SIK3: variants seen among roughly 807,000 people sequenced by gnomAD.
SIK3 encodes the protein serine/threonine-protein kinase SIK3.
In SIK3, 28 loss-of-function variants were observed where a neutral mutation model predicts 144.2. That is an observed-to-expected ratio of 0.19 (90% CI 0.14 to 0.27). SIK3 has a LOEUF of 0.27. Ranked by LOEUF, SIK3 falls within the 10% of genes least tolerant of loss-of-function variation. The probability of loss-of-function intolerance (pLI) is 1.00; values close to 1 mark genes in which losing one functional copy is unlikely to be tolerated. For synonymous variants in SIK3, 686 were observed against 676.3 expected, an observed-to-expected ratio of 1.01 and a Z score of -0.22; for missense variants, 1,319 against 1,776.0, an observed-to-expected ratio of 0.74 and a Z score of 4.62.
Position 116,938,460 on chromosome 11 carries a change from GGAGGAGAGGA to G in SIK3, c.455-11090_455-11081del, listed in dbSNP as rs773772413. On this transcript the variant is annotated intron_variant, in intron 3 of 24. Transcript: ENST00000445177. ...GGACGGGACGGGAGGGGAGGGGAGG[GGAGGAGAGGA>G]GAGGAGAGGAGAGGAGAAGAGAAGG... 5.4e-3 allele frequency among the ~76,000 whole-genome samples: 33 copies of G among 6,060 alleles called. 1 individual carries two copies. The highest frequency in any genetic ancestry group is 9.0e-3 in the Non-Finnish European group (27 of 2,990). The allele number at this position is 6,060 out of a possible 152,430, so 4.0% of individuals were successfully genotyped here.
chr11:116,975,455 A>G (rs932926563), intron 1 of SIK3, among the ~76,000 whole-genome samples: 3 of 150,794 alleles, frequency 2.0e-5, no homozygotes, highest in South Asian at 4.1e-4. Flanking sequence ...CAATGAGATC[A>G]TACAATATCT....
In SIK3 at chr11:116,968,231, C is replaced by T. The variant is rs1949632378; in HGVS notation, c.274-11167G>A. On this transcript the variant is annotated intron_variant, in intron 1 of 24. Transcript: ENST00000445177. ...CATCTCGGCTCACTGCAACCTCCAC[C>T]TCCTGGGTTCGGGCAATTCTCCTGC... Among the ~76,000 whole-genome samples the T allele has an allele frequency of 2.6e-5, 4 of 152,298 alleles. No individual in the cohort carries two copies. The Middle Eastern group carries it at 0.01, about 389-fold the overall frequency.
chr11:116,890,350 G>C (rs939834806), intron 6 of SIK3, among the ~76,000 whole-genome samples: 21 of 152,342 alleles, frequency 1.4e-4, no homozygotes, highest in Admixed American at 9.8e-4. Flanking sequence ...GAGGTGAACA[G>C]TAACAGGAAA....
At chr11:117,061,872 ATAGT>A (rs1486561813) in intron 1 of SIK3, among the ~76,000 whole-genome samples, 4 of 152,254 alleles carry the variant, frequency 2.6e-5, no homozygotes, top group African/African-American at 9.6e-5. Flanking sequence ...ATCAATTATA[ATAGT>A]TAATGAAATT....
chr11:117,024,952 T>C (rs1033250119), intron 1 of SIK3, among the ~76,000 whole-genome samples: 2 of 151,388 alleles, frequency 1.3e-5, no homozygotes, highest in Non-Finnish European at 2.9e-5. Context: ...TAAGTAGCTA[T>C]GGAATTCTAC....
intron 1 of SIK3, among the ~76,000 whole-genome samples, chr11:116,967,370 TCCCCTA>T (rs1949597566): frequency 6.6e-6 from 1 of 152,200 alleles, no homozygotes; most frequent in South Asian, 2.1e-4. Context: ...TTCTTAAACT[TCCCCTA>T]TGGAGATTTA....
intron 3 of SIK3, among the ~76,000 whole-genome samples, chr11:116,945,460 A>G (rs1948546115): frequency 7.2e-6 from 1 of 138,642 alleles, no homozygotes; most frequent in Non-Finnish European, 1.5e-5. Flanking sequence ...CCTGGGCTCC[A>G]GTGATCTGCC....
Position 116,870,371 on chromosome 11 carries a change from C to T in SIK3, c.1768G>A (p.Glu590Lys). The change falls in exon 14 of 25, where the codon GAG becomes AAG. Residue 590 changes from glutamate (E) to lysine (K), a missense_variant. By Grantham distance (56) the Glu-to-Lys change is moderately conservative (BLOSUM62 1). Coordinates refer to ENST00000445177, the MANE Select transcript of SIK3 (RefSeq NM_001366686.3). ...TGGTCTGGCTCCCCGTCTGAGCTCT[C>T]CTCGTCCACAGGGGTAACTGCTGGC... ...AVPAVTPVDE[E>K]SSDGEPDQEA... 1 of 1,612,652 alleles carries T rather than the reference C, an allele frequency of 6.2e-7. No individual in the cohort carries two copies. The highest frequency in any genetic ancestry group is 8.5e-7 in the Non-Finnish European group (1 of 1,180,010).
intron 3 of SIK3, among the ~76,000 whole-genome samples, chr11:116,946,779 C>T (rs1300286146): frequency 1.3e-5 from 2 of 152,108 alleles, no homozygotes; most frequent in East Asian, 3.8e-4. Context: ...CCAATGCCTC[C>T]ACTTCTTTAA....
intron 6 of SIK3, among the ~76,000 whole-genome samples, chr11:116,893,445 G>A (rs1945236831): frequency 6.6e-6 from 1 of 152,094 alleles, no homozygotes; most frequent in Admixed American, 6.6e-5. Flanking sequence ...GGGAGGCCAA[G>A]GCAGGCAGAT....
intron 14 of SIK3, chr11:116,868,741 G>C (rs1009931120): frequency 6.6e-5 from 10 of 152,402 alleles, no homozygotes; most frequent in African/African-American, 2.4e-4. Context: ...TGTTTAGTTA[G>C]GGAGGGAAAA....
intron 3 of SIK3, among the ~76,000 whole-genome samples, chr11:116,940,999 T>A (rs1948265410): frequency 6.6e-6 from 1 of 151,996 alleles, no homozygotes; most frequent in Non-Finnish European, 1.5e-5. Flanking sequence ...TGTTTGTTTG[T>A]TTGTTTGTTT....
At chr11:117,081,650 A>G (rs1384366686) in intron 1 of SIK3, among the ~76,000 whole-genome samples, 1 of 152,234 alleles carries the variant, frequency 6.6e-6, no homozygotes, top group Non-Finnish European at 1.5e-5. Context: ...TCAAAAAAAT[A>G]AAGTCTTTGA....
chr11:116,959,468 T>C (rs1949262784), intron 1 of SIK3, among the ~76,000 whole-genome samples: 1 of 152,208 alleles, frequency 6.6e-6, no homozygotes, highest in Non-Finnish European at 1.5e-5. Flanking sequence ...ACAGAGGGCA[T>C]CAACTGTCTA....
Position 116,844,621 on chromosome 11 carries a change from ATATATAT to A in SIK3, c.*1015_*1021del, listed in dbSNP as rs1941783115. On this transcript the variant is annotated 3_prime_UTR_variant, in exon 25 of 25. Coordinates refer to ENST00000445177, the MANE Select transcript of SIK3 (RefSeq NM_001366686.3). ...TTTATATATATATTATATATATAAT[ATATATAT>A]AATATATTATATTATATATTATATA... 1.4e-4 allele frequency: 5 copies of A among 34,752 alleles called. No homozygotes were observed. Among genetic ancestry groups the A allele is most frequent in the Admixed American group, 1.0e-3 (4 of 3,970 alleles). 2.2% of individuals were successfully genotyped at this position (34,752 alleles called of 1,614,324 possible). A position where few individuals can be genotyped will look rare whatever the true frequency, so the allele number is the denominator to read the frequency against.
chr11:116,896,418 G>T (rs772789074), intron 5 of SIK3, 42 bp from the exon 6 acceptor site: 1 of 1,597,414 alleles, frequency 6.3e-7, no homozygotes, highest in Non-Finnish European at 8.5e-7. Context: ...ATCACATCAG[G>T]GGAAACAAAA....
At chr11:116,905,875 T>C (rs1180295854) in intron 4 of SIK3, among the ~76,000 whole-genome samples, 1 of 152,246 alleles carries the variant, frequency 6.6e-6, no homozygotes, top group Non-Finnish European at 1.5e-5. Flanking sequence ...TTATTAGATA[T>C]ATGATTTGCA....
At chr11:117,039,332 T>C (rs1306507048) in intron 1 of SIK3, among the ~76,000 whole-genome samples, 6 of 152,248 alleles carry the variant, frequency 3.9e-5, no homozygotes, top group Non-Finnish European at 8.8e-5. Context: ...TATGTTGCCC[T>C]GGTCTTGAAC....
intron 3 of SIK3, among the ~76,000 whole-genome samples, chr11:116,947,567 G>T (rs1208711428): frequency 2.1e-4 from 8 of 38,584 alleles, no homozygotes; most frequent in South Asian, 1.4e-3. Context: ...ATGTATGTAT[G>T]TATTTTTTTT....
Sources: gnomAD v4.1 joint callset for allele counts (sites outside exome capture counted in the v4.1 genomes callset) on GRCh38, gnomAD v4.1.1 for gene constraint, MANE v1.5 for transcripts, NCBI Gene and HGNC (gene_info 2026-07-23, HGNC 2026-07-21) for gene names.